PIWIL2: variants seen among roughly 807,000 people sequenced by gnomAD.
The protein encoded by PIWIL2 is piwi like RNA-mediated gene silencing 2.
A neutral mutation model predicts 116.5 loss-of-function variants in PIWIL2; 81 were observed. That is an observed-to-expected ratio of 0.70 (90% CI 0.58 to 0.84). The LOEUF (loss-of-function observed/expected upper bound fraction) is 0.84, where lower values mean the gene tolerates loss of function less well. Among genes scored for constraint, PIWIL2 ranks in the 40% least tolerant of loss-of-function variants. The pLI is 0.00. For missense variants in PIWIL2, 1,272 were observed against 1,212.3 expected, an observed-to-expected ratio of 1.05 and a Z score of -0.73; for synonymous variants, 489 against 429.5, an observed-to-expected ratio of 1.14 and a Z score of -1.71.
intron 17 of PIWIL2, among the ~76,000 whole-genome samples, chr8:22,314,797 G>C (rs567782244): frequency 6.6e-6 from 1 of 151,944 alleles, no homozygotes; most frequent in Admixed American, 6.6e-5. Context: ...TCATTTGTTG[G>C]TTTTATTTTG....
At chr8:22,331,197 A>G (rs1831854771) in intron 20 of PIWIL2, among the ~76,000 whole-genome samples, 1 of 151,988 alleles carries the variant, frequency 6.6e-6, no homozygotes, top group Non-Finnish European at 1.5e-5. Context: ...AATAAAAAAT[A>G]AAAAGTTCTG....
intron 8 of PIWIL2, among the ~76,000 whole-genome samples, chr8:22,289,221 C>T (rs530227873): frequency 4.6e-5 from 7 of 151,252 alleles, no homozygotes; most frequent in Non-Finnish European, 7.4e-5. Context: ...GGCGCAATCC[C>T]GGCTCACTGC....
At chr8:22,312,383 G>A (rs1301267319) in intron 16 of PIWIL2, among the ~76,000 whole-genome samples, 1 of 151,986 alleles carries the variant, frequency 6.6e-6, no homozygotes, top group Non-Finnish European at 1.5e-5. Context: ...TTCCGCCTCA[G>A]CCTTCCAAGT....
chr8:22,278,310 A>G (rs1002134094), intron 1 of PIWIL2, among the ~76,000 whole-genome samples: 4 of 152,166 alleles, frequency 2.6e-5, no homozygotes, highest in Non-Finnish European at 5.9e-5. Flanking sequence ...TCTTGAGCCC[A>G]GGTGTTTGAG....
At chr8:22,330,383 T>A (rs1831829681) in intron 20 of PIWIL2, among the ~76,000 whole-genome samples, 1 of 152,172 alleles carries the variant, frequency 6.6e-6, no homozygotes, top group African/African-American at 2.4e-5. Context: ...TGGTTTCCTT[T>A]AGTTCTTTGA....
chr8:22,321,447 G>T, intron 20 of PIWIL2, among the ~76,000 whole-genome samples: 1 of 152,196 alleles, frequency 6.6e-6, no homozygotes, highest in East Asian at 1.9e-4. Flanking sequence ...CTCATTATTG[G>T]CTTAGTCCTA....
At chr8:22,306,501 C>T (rs1432046226) in intron 13 of PIWIL2, among the ~76,000 whole-genome samples, 4 of 152,126 alleles carry the variant, frequency 2.6e-5, no homozygotes, top group Non-Finnish European at 5.9e-5. Context: ...GGGTGTTGGG[C>T]TCAGCTCCTG....
intron 19 of PIWIL2, among the ~76,000 whole-genome samples, 155 bp downstream of exon 19, chr8:22,316,488 G>T (rs546548349): frequency 2.1e-4 from 31 of 151,054 alleles, no homozygotes; most frequent in Non-Finnish European, 3.2e-4. Context: ...TTTTTTTCGG[G>T]GGGGAGGGGT....
intron 20 of PIWIL2, among the ~76,000 whole-genome samples, chr8:22,348,325 G>T (rs1304296904): frequency 1.3e-5 from 2 of 152,092 alleles, no homozygotes; most frequent in African/African-American, 4.8e-5. Context: ...TTAATTTTCT[G>T]AGATAAGTGC....
intron 20 of PIWIL2, among the ~76,000 whole-genome samples, chr8:22,332,333 C>T (rs1396545891): frequency 6.6e-6 from 1 of 151,840 alleles, no homozygotes; most frequent in Non-Finnish European, 1.5e-5. Flanking sequence ...TAAAAATAAT[C>T]AAACTGTAAC....
intron 13 of PIWIL2, among the ~76,000 whole-genome samples, chr8:22,306,688 GGTA>G (rs1563378299): frequency 1.3e-5 from 2 of 151,972 alleles, no homozygotes; most frequent in African/African-American, 2.4e-5. Flanking sequence ...TACAGTTTTT[GGTA>G]ACATCATAAA....
rs1563430291 is a variant in PIWIL2, at chr8:22,347,514, GC to G, written c.2404-5443del. On this transcript the variant is annotated intron_variant, in intron 20 of 22. Transcript: ENST00000356766. The stretch of plus-strand genomic sequence containing the variant: ...TTACAGGCGTGAGCCACTGTGCCTG[GC>G]CTTTTTTTTTTTTTTTTTTTTTTTT... 2.9e-5 allele frequency among the ~76,000 whole-genome samples: 4 copies of G among 138,478 alleles called. No individual in the cohort carries two copies. In the South Asian group the frequency reaches 7.0e-4, roughly 24 times the overall value. The allele number at this position is 138,478 out of a possible 152,430, so 90.8% of individuals were successfully genotyped here. A position where few individuals can be genotyped will look rare whatever the true frequency, so the allele number is the denominator to read the frequency against.
rs559944516 is a variant in PIWIL2 at position 22,330,752 on chromosome 8, G to T, written c.2403+12477G>T. 1.1e-4 allele frequency among the ~76,000 whole-genome samples: 15 copies of T among 136,280 alleles called. No individual in the cohort carries two copies. The South Asian group carries it at 3.6e-3, about 33-fold the overall frequency. 89.4% of individuals were successfully genotyped at this position (136,280 alleles called of 152,430 possible). A position where few individuals can be genotyped will look rare whatever the true frequency, so the allele number is the denominator to read the frequency against. ...AATAAATAAATAAATAAAAATAGTT[G>T]ATATAAAGACTGTCTATAGGACCAC... On this transcript the variant is annotated intron_variant, in intron 20 of 22. Transcript: ENST00000356766.
intron 20 of PIWIL2, among the ~76,000 whole-genome samples, chr8:22,335,848 T>C (rs541572042): frequency 2.6e-5 from 4 of 152,268 alleles, no homozygotes; most frequent in Admixed American, 2.0e-4. Context: ...CGTGAGCCAC[T>C]GTGCCCGGCC....
chr8:22,341,426 T>C (rs1832106204), intron 20 of PIWIL2, among the ~76,000 whole-genome samples: 1 of 151,690 alleles, frequency 6.6e-6, no homozygotes, highest in Admixed American at 6.6e-5. Context: ...AGAAACCCCG[T>C]CTCTACTAAA....
At chr8:22,281,561 T>C in intron 4 of PIWIL2, 46 bp downstream of exon 4, 1 of 1,474,244 alleles carries the variant, frequency 6.8e-7, no homozygotes, top group Non-Finnish European at 9.1e-7. Flanking sequence ...TCAGATGGAA[T>C]ATCTCTGTAA....
chr8:22,341,309 A>G (rs1199932341), intron 20 of PIWIL2, among the ~76,000 whole-genome samples: 2 of 152,020 alleles, frequency 1.3e-5, no homozygotes, highest in East Asian at 1.9e-4. Flanking sequence ...TAAAAAAAAA[A>G]AAAAGTCCAG....
chr8:22,312,882 C>T (rs902035535), intron 16 of PIWIL2, among the ~76,000 whole-genome samples: 1 of 152,280 alleles, frequency 6.6e-6, no homozygotes, highest in African/African-American at 2.4e-5. Flanking sequence ...CTCAATCAGT[C>T]CTCCCACCTC....
At chr8:22,340,326 G>T (rs907271435) in intron 20 of PIWIL2, among the ~76,000 whole-genome samples, 1 of 152,128 alleles carries the variant, frequency 6.6e-6, no homozygotes, top group Non-Finnish European at 1.5e-5. Context: ...CGAAGTGCTG[G>T]AATTACAGGC....
Sources: allele counts gnomAD v4.1 joint callset (sites outside exome capture counted in the v4.1 genomes callset), GRCh38; gene constraint gnomAD v4.1.1; transcripts MANE v1.5; gene names NCBI Gene and HGNC (gene_info 2026-07-23, HGNC 2026-07-21).